The following ACTR3C variants were observed in gnomAD, a reference collection of about 807,000 sequenced individuals.
ACTR3C encodes the protein actin-related protein 3C.
A neutral mutation model predicts 26.3 loss-of-function variants in ACTR3C; 18 were observed. The ratio of observed to expected loss-of-function variants is 0.68; its 90% CI spans 0.47 to 1.01. The LOEUF (loss-of-function observed/expected upper bound fraction) is 1.01, where lower values mean the gene tolerates loss of function less well. Ranked by LOEUF, ACTR3C falls within the 50% of genes least tolerant of loss-of-function variation. The probability of loss-of-function intolerance (pLI) is 0.00; values close to 1 mark genes in which losing one functional copy is unlikely to be tolerated. For missense variants in ACTR3C, 184 were observed against 250.7 expected (o/e 0.73, Z 1.80); for synonymous variants, 55 against 94.5 (o/e 0.58, Z 2.42).
At chr7:149,994,896 C>T in the ACTR3C span, among the ~76,000 whole-genome samples, 52 of 147,384 alleles carry the variant, frequency 3.5e-4, no homozygotes, top group African/African-American at 1.3e-3. Context: ...CTCTTGTTGC[C>T]CAGGCTGGAG....
chr7:150,034,223 A>C, the ACTR3C span, among the ~76,000 whole-genome samples: 8 of 151,934 alleles, frequency 5.3e-5, 1 homozygote, highest in South Asian at 1.7e-3. Context: ...GTTGCTGCCA[A>C]GGCCCTCAAA....
chr7:150,153,163 C>T, the ACTR3C span, among the ~76,000 whole-genome samples: 11 of 152,220 alleles, frequency 7.2e-5, no homozygotes, highest in East Asian at 5.8e-4. Context: ...TAGGCATGGG[C>T]GAGGACTTCA....
chr7:150,042,401 CT>C, the ACTR3C span, among the ~76,000 whole-genome samples: 1 of 146,366 alleles, frequency 6.8e-6, no homozygotes, highest in Non-Finnish European at 1.5e-5. Context: ...GAGGGGCTCG[CT>C]CTCAGTCCCC....
At chr7:150,154,100 C>T in the ACTR3C span, among the ~76,000 whole-genome samples, 1 of 144,468 alleles carries the variant, frequency 6.9e-6, no homozygotes. Context: ...GGAGGGATAG[C>T]TTTAGGACAT....
chr7:150,124,013 C>T, the ACTR3C span, among the ~76,000 whole-genome samples: 2 of 152,194 alleles, frequency 1.3e-5, no homozygotes, highest in African/African-American at 4.8e-5. Flanking sequence ...CCTCCCCTGA[C>T]TTAGAAATAA....
At chr7:150,172,651 G>A in the ACTR3C span, among the ~76,000 whole-genome samples, 100,422 of 149,320 alleles carry the variant, frequency 0.67, 35,165 homozygotes, top group East Asian at 0.83. Flanking sequence ...AATTCATTTC[G>A]GTATTAACCC....
the ACTR3C span, among the ~76,000 whole-genome samples, chr7:149,929,124 A>C: frequency 6.6e-6 from 1 of 152,208 alleles, no homozygotes; most frequent in Admixed American, 6.5e-5. Context: ...ATAATTAGTA[A>C]TTCAGGCAAG....
the ACTR3C span, among the ~76,000 whole-genome samples, chr7:149,996,712 T>A: frequency 5.0e-4 from 74 of 148,998 alleles, no homozygotes; most frequent in Non-Finnish European, 8.7e-4. Flanking sequence ...TCCAATGGCA[T>A]CTTAAACTTT....
intron 1 of ACTR3C, among the ~76,000 whole-genome samples, chr7:150,307,600 C>T (rs887497241): frequency 2.6e-5 from 4 of 152,188 alleles, no homozygotes; most frequent in African/African-American, 7.2e-5. Flanking sequence ...CATCTCCCTT[C>T]GACGCCTTTT....
At chr7:149,933,473 T>A in the ACTR3C span, among the ~76,000 whole-genome samples, 5 of 152,194 alleles carry the variant, frequency 3.3e-5, no homozygotes, top group African/African-American at 7.2e-5. Flanking sequence ...TAACACATAA[T>A]TGTGGACTAT....
At chr7:150,258,996 C>T (rs1001858578) in intron 6 of ACTR3C, among the ~76,000 whole-genome samples, 6 of 151,710 alleles carry the variant, frequency 4.0e-5, no homozygotes, top group African/African-American at 1.5e-4. Flanking sequence ...TTCTAATTAG[C>T]AAAGATGATT....
downstream of ACTR3C, chr7:150,245,226 T>C (rs551664143): frequency 4.6e-5 from 7 of 151,960 alleles, no homozygotes; most frequent in African/African-American, 1.5e-4. Context: ...TAGAAGATAA[T>C]TTGCCCAAGC....
the ACTR3C span, among the ~76,000 whole-genome samples, chr7:150,166,223 T>A: frequency 2.0e-5 from 3 of 150,218 alleles, no homozygotes. Flanking sequence ...AAAATAATTT[T>A]AAAAATTGAT....
At chr7:150,283,906 C>A (rs1197665798) in intron 6 of ACTR3C, among the ~76,000 whole-genome samples, 1 of 149,946 alleles carries the variant, frequency 6.7e-6, no homozygotes, top group East Asian at 1.9e-4. Context: ...CTCCTGCTCA[C>A]CATCTCAGGC....
the ACTR3C span, among the ~76,000 whole-genome samples, chr7:149,926,271 A>G: frequency 1.3e-5 from 2 of 152,358 alleles, no homozygotes; most frequent in Admixed American, 6.5e-5. Flanking sequence ...AATATTCCCT[A>G]TGTGCAGAAG....
intron 6 of ACTR3C, among the ~76,000 whole-genome samples, chr7:150,270,880 C>T (rs1366567615): frequency 6.6e-6 from 1 of 152,174 alleles, no homozygotes; most frequent in Non-Finnish European, 1.5e-5. Flanking sequence ...CTACTTCCCT[C>T]AACCATTTCT....
chr7:149,893,398 C>T, the ACTR3C span, among the ~76,000 whole-genome samples: 5 of 152,208 alleles, frequency 3.3e-5, no homozygotes, highest in African/African-American at 1.2e-4. Context: ...CAGTGGGAGG[C>T]TCAGATGTCA....
At chr7:149,990,412 G>A in the ACTR3C span, among the ~76,000 whole-genome samples, 3 of 129,264 alleles carry the variant, frequency 2.3e-5, no homozygotes, top group Non-Finnish European at 3.2e-5. Context: ...ACAGAGCAGT[G>A]GGTCCTGTGT....
chr7:150,078,192 C>T, the ACTR3C span, among the ~76,000 whole-genome samples: 12 of 152,116 alleles, frequency 7.9e-5, no homozygotes, highest in African/African-American at 1.9e-4. Flanking sequence ...TCACATCTTT[C>T]GCATTCTCCA....
Sources: allele counts gnomAD v4.1 joint callset (sites outside exome capture counted in the v4.1 genomes callset), GRCh38; gene constraint gnomAD v4.1.1; transcripts MANE v1.5; gene names NCBI Gene and HGNC (gene_info 2026-07-23, HGNC 2026-07-21).